Variants in CNTN4 observed in about 807,000 individuals in gnomAD.
CNTN4 encodes contactin-4.
A neutral mutation model predicts 122.5 loss-of-function variants in CNTN4; 77 were observed. That is an observed-to-expected ratio of 0.63 (90% CI 0.52 to 0.76). The LOEUF (loss-of-function observed/expected upper bound fraction) is 0.76. Among genes scored for constraint, CNTN4 ranks in the 30% least tolerant of loss-of-function variants. The probability of loss-of-function intolerance (pLI) is 0.00; values close to 1 mark genes in which losing one functional copy is unlikely to be tolerated. For synonymous variants in CNTN4, 512 were observed against 447.0 expected, an observed-to-expected ratio of 1.15 and a Z score of -1.83; for missense variants, 1,256 against 1,259.1, an observed-to-expected ratio of 1.00 and a Z score of 0.04.
intron 14 of CNTN4, among the ~76,000 whole-genome samples, chr3:2,994,228 T>G (rs1695320281): frequency 6.6e-6 from 1 of 151,868 alleles, no homozygotes; most frequent in African/African-American, 2.4e-5. Context: ...TAATAGCAAT[T>G]TTTTTTTATT....
chr3:2,982,621 G>T (rs978236566), intron 13 of CNTN4, among the ~76,000 whole-genome samples: 2 of 152,152 alleles, frequency 1.3e-5, no homozygotes, highest in Non-Finnish European at 2.9e-5. Flanking sequence ...AGCAGAAAGA[G>T]ATTGTTTTCT....
At chr3:2,289,976 T>G (rs2042073981) in intron 2 of CNTN4, among the ~76,000 whole-genome samples, 3 of 149,054 alleles carry the variant, frequency 2.0e-5, no homozygotes, top group African/African-American at 7.3e-5. Flanking sequence ...TTATTAGTAT[T>G]TAGTATTTTT....
At chr3:2,967,524 T>TTAAACTA (rs901661531) in intron 13 of CNTN4, among the ~76,000 whole-genome samples, 5 of 152,168 alleles carry the variant, frequency 3.3e-5, no homozygotes, top group African/African-American at 1.2e-4. Flanking sequence ...TGTCTTTGTT[T>TTAAACTA]TAAACTATAA....
rs1245542621 is a variant in CNTN4 at position 2,819,598 on chromosome 3, T to A, written c.454+17T>A. On this transcript the variant is annotated intron_variant, in intron 7 of 24. Transcript: ENST00000418658. The stretch of plus-strand genomic sequence containing the variant: ...ATTCTGGAGGTACATATAAATGAAC[T>A]GACATATGCATGCTTCACTCTCTGT... 1 of 1,530,178 alleles carries A rather than the reference T, an allele frequency of 6.5e-7. No homozygotes were observed. The highest frequency in any genetic ancestry group is 9.1e-7 in the Non-Finnish European group (1 of 1,103,414). The allele number at this position is 1,530,178 out of a possible 1,614,324, so 94.8% of individuals were successfully genotyped here. A position where few individuals can be genotyped will look rare whatever the true frequency, so the allele number is the denominator to read the frequency against.
intron 4 of CNTN4, among the ~76,000 whole-genome samples, chr3:2,683,645 G>GAA (rs35070950): frequency 4.1e-4 from 61 of 150,142 alleles, no homozygotes; most frequent in Admixed American, 1.2e-3. Flanking sequence ...TTGTTTATCA[G>GAA]AAAAAAAAAA....
At chr3:2,181,029 T>C (rs1230740472) in intron 2 of CNTN4, among the ~76,000 whole-genome samples, 3 of 152,104 alleles carry the variant, frequency 2.0e-5, no homozygotes, top group Admixed American at 6.6e-5. Flanking sequence ...CATGGGAAAC[T>C]TGTTTGTTTT....
At chr3:2,533,084 G>A (rs940342902) in intron 3 of CNTN4, among the ~76,000 whole-genome samples, 3 of 149,740 alleles carry the variant, frequency 2.0e-5, no homozygotes, top group Non-Finnish European at 4.4e-5. Flanking sequence ...TAACCTCTCT[G>A]GACTTTGGCT....
At chr3:2,453,274 A>C (rs1437031236) in intron 3 of CNTN4, among the ~76,000 whole-genome samples, 1 of 152,148 alleles carries the variant, frequency 6.6e-6, no homozygotes, top group Non-Finnish European at 1.5e-5. Context: ...CAGTTAATTC[A>C]TTACCTACAG....
intron 2 of CNTN4, among the ~76,000 whole-genome samples, chr3:2,260,750 G>T (rs2040804010): frequency 6.9e-6 from 1 of 144,472 alleles, no homozygotes. Flanking sequence ...TTTGAGACAA[G>T]AGTCTCGCTC....
At chr3:2,770,899 G>C (rs1197149544) in intron 6 of CNTN4, among the ~76,000 whole-genome samples, 1 of 152,204 alleles carries the variant, frequency 6.6e-6, no homozygotes, top group Non-Finnish European at 1.5e-5. Context: ...CCAGGTGATA[G>C]TAACAATGTG....
rs1313131337 is a variant in CNTN4 at position 2,745,554 on chromosome 3, G to A, written c.215G>A (p.Gly72Asp). 33 of 1,613,960 alleles carry A rather than the reference G, an allele frequency of 2.0e-5. No individual in the cohort carries two copies. Among genetic ancestry groups the A allele is most frequent in the Non-Finnish European group, 2.6e-5 (31 of 1,179,972 alleles). ...TTAAATGGAACAGATGTTGACACTG[G>A]TATGGATTTCCGCTACAGTGTTGTT... is the stretch of plus-strand genomic sequence containing the variant. ...WKLNGTDVDT[G>D]MDFRYSVVEG... The change falls in exon 6 of 25, where the codon GGT (glycine) becomes GAT (aspartate). Residue 72 changes from glycine to aspartate, a missense_variant. Coordinates refer to ENST00000418658, the MANE Select transcript of CNTN4 (RefSeq NM_175607.3).
At chr3:2,461,363 A>T (rs535015416) in intron 3 of CNTN4, among the ~76,000 whole-genome samples, 1 of 152,258 alleles carries the variant, frequency 6.6e-6, no homozygotes, top group South Asian at 2.1e-4. Flanking sequence ...GTTAACATTA[A>T]TTAATGAGAT....
At chr3:2,776,880 C>A (rs373235230) in intron 6 of CNTN4, among the ~76,000 whole-genome samples, 1 of 152,090 alleles carries the variant, frequency 6.6e-6, no homozygotes, top group Non-Finnish European at 1.5e-5. Flanking sequence ...CTTAGGTATA[C>A]GATGCAGAGA....
intron 4 of CNTN4, among the ~76,000 whole-genome samples, chr3:2,581,026 T>C (rs1388220816): frequency 1.3e-5 from 2 of 152,166 alleles, no homozygotes; most frequent in East Asian, 3.9e-4. Context: ...TCTTGTAAAA[T>C]ACTCTGAACC....
chr3:2,728,414 G>A (rs906719383), intron 4 of CNTN4, among the ~76,000 whole-genome samples: 13 of 152,202 alleles, frequency 8.5e-5, no homozygotes, highest in African/African-American at 3.1e-4. Flanking sequence ...GTGGTGGAAA[G>A]AGTAATGGTT....
intron 8 of CNTN4, chr3:2,882,881 C>G: frequency 2.5e-6 from 1 of 397,960 alleles, no homozygotes. Flanking sequence ...TACCTTAAAA[C>G]AATACTTTTG....
At chr3:2,768,589 C>T (rs929356776) in intron 6 of CNTN4, among the ~76,000 whole-genome samples, 5 of 152,154 alleles carry the variant, frequency 3.3e-5, no homozygotes, top group Non-Finnish European at 7.3e-5. Flanking sequence ...ATGACTTCCC[C>T]TATCTACTTT....
rs554314513 is a variant in CNTN4 at position 2,456,658 on chromosome 3, A to C, written c.-88-114758A>C. ...TGTCTAGCTTTTTTCATTTAGCATG[A>C]TATGTCTGAGACTCATCCACATCGT... On this transcript the variant is annotated intron_variant, in intron 3 of 24. Coordinates refer to ENST00000418658, the MANE Select transcript of CNTN4 (RefSeq NM_175607.3). 7.5e-4 allele frequency among the ~76,000 whole-genome samples: 114 copies of C among 152,212 alleles called. 1 individual carries two copies. Among genetic ancestry groups the C allele is most frequent in the Admixed American group, 2.8e-3 (42 of 15,262 alleles).
rs1559260650 is a variant in CNTN4, at chr3:2,120,370, TA to T, written c.-145+19732del. ...TTTAGGTTATATATATATATATATA[TA>T]TAAATATATATATATATATATATAT... On this transcript the variant is annotated intron_variant, in intron 2 of 24. Transcript: ENST00000418658. Among the ~76,000 whole-genome samples, 7 of 87,772 alleles carry T rather than the reference TA, an allele frequency of 8.0e-5. No homozygotes were observed. In the East Asian group the frequency reaches 1.9e-3, roughly 24 times the overall value. The allele number at this position is 87,772 out of a possible 152,430, so 57.6% of individuals were successfully genotyped here.
Sources: gnomAD v4.1 joint callset for allele counts (sites outside exome capture counted in the v4.1 genomes callset) on GRCh38, gnomAD v4.1.1 for gene constraint, MANE v1.5 for transcripts, NCBI Gene and HGNC (gene_info 2026-07-23, HGNC 2026-07-21) for gene names.